Variants in UVRAG observed in about 807,000 individuals in gnomAD.
UVRAG encodes the protein UV radiation resistance associated, also known as UV radiation resistance-associated gene protein.
In UVRAG, 19 loss-of-function variants were observed where a neutral mutation model predicts 78.0. The ratio of observed to expected loss-of-function variants is 0.24; its 90% confidence interval spans 0.17 to 0.36. The LOEUF (loss-of-function observed/expected upper bound fraction) is 0.36, where lower values mean the gene tolerates loss of function less well. Ranked by LOEUF, UVRAG falls within the 10% of genes least tolerant of loss-of-function variation. UVRAG has a pLI of 1.00. For missense variants in UVRAG, 740 were observed against 853.8 expected, an observed-to-expected ratio of 0.87 and a Z score of 1.66; for synonymous variants, 323 against 324.6, an observed-to-expected ratio of 1.00 and a Z score of 0.05.
At chr11:75,846,584 T>C (rs983726299) in intron 1 of UVRAG, among the ~76,000 whole-genome samples, 3 of 150,502 alleles carry the variant, frequency 2.0e-5, no homozygotes, top group African/African-American at 7.5e-5. Flanking sequence ...TAAATCTGTG[T>C]CTACATTCAT....
At chr11:76,110,479 G>A (rs1193760583) in intron 13 of UVRAG, among the ~76,000 whole-genome samples, 3 of 152,172 alleles carry the variant, frequency 2.0e-5, no homozygotes, top group African/African-American at 4.8e-5. Flanking sequence ...CTACTGTGTC[G>A]TGATGCCTCT....
intron 8 of UVRAG, among the ~76,000 whole-genome samples, chr11:75,998,278 T>C (rs1419244566): frequency 6.6e-6 from 1 of 152,158 alleles, no homozygotes; most frequent in East Asian, 1.9e-4. Context: ...TCTATACTAA[T>C]CAGTCTAATC....
At position 76,080,514 on chromosome 11, in the gene UVRAG, T is replaced by A. The variant is rs552045816; in HGVS notation, c.1305+14726T>A. Among the ~76,000 whole-genome samples the A allele has an allele frequency of 1.4e-4, 21 of 151,776 alleles. No individual in the cohort carries two copies. In the East Asian group the frequency reaches 3.5e-3, roughly 25 times the overall value. On this transcript the variant is annotated intron_variant, in intron 13 of 14. Transcript: ENST00000356136. ...GCTTTTATAATAGAATATATATATA[T>A]AAATTATTTTTTTCAGACAAAAACT...
chr11:75,920,317 G>A (rs922296587), intron 6 of UVRAG, among the ~76,000 whole-genome samples: 1 of 151,952 alleles, frequency 6.6e-6, no homozygotes, highest in Non-Finnish European at 1.5e-5. Context: ...GAGCCACCAC[G>A]CCTGGCTAAT....
intron 8 of UVRAG, among the ~76,000 whole-genome samples, chr11:75,987,109 G>A (rs1478876272): frequency 6.6e-6 from 1 of 152,080 alleles, no homozygotes; most frequent in Non-Finnish European, 1.5e-5. Context: ...TTTCATTCCT[G>A]TTACGTACAC....
At chr11:75,846,878 C>T (rs1422363917) in intron 1 of UVRAG, among the ~76,000 whole-genome samples, 1 of 151,794 alleles carries the variant, frequency 6.6e-6, no homozygotes, top group Non-Finnish European at 1.5e-5. Flanking sequence ...GGCTATAGTG[C>T]AGTGACATGA....
At chr11:76,032,477 G>T (rs1431770422) in intron 12 of UVRAG, among the ~76,000 whole-genome samples, 2 of 152,196 alleles carry the variant, frequency 1.3e-5, no homozygotes, top group Non-Finnish European at 2.9e-5. Context: ...AGAGAGTTCA[G>T]TTGTAAGAGG....
intron 12 of UVRAG, among the ~76,000 whole-genome samples, chr11:76,049,842 G>A (rs1402728696): frequency 6.6e-6 from 1 of 152,214 alleles, no homozygotes; most frequent in Non-Finnish European, 1.5e-5. Flanking sequence ...GTTAGGGATT[G>A]TACAGGGTTC....
intron 9 of UVRAG, 142 bp from the exon 10 acceptor site, chr11:76,007,392 A>T: frequency 1.6e-6 from 1 of 637,070 alleles, no homozygotes; most frequent in African/African-American, 1.8e-5. Flanking sequence ...TACGGTAACT[A>T]TTATTTATGC....
At chr11:76,006,084 G>A (rs1297990379) in intron 9 of UVRAG, among the ~76,000 whole-genome samples, 3 of 152,148 alleles carry the variant, frequency 2.0e-5, no homozygotes, top group Non-Finnish European at 2.9e-5. Context: ...TCCTGAGGCT[G>A]TCTAGGAGCC....
intron 7 of UVRAG, among the ~76,000 whole-genome samples, chr11:75,962,164 G>A (rs899938085): frequency 3.3e-5 from 5 of 151,978 alleles, no homozygotes; most frequent in Non-Finnish European, 5.9e-5. Flanking sequence ...AAAGCCACTT[G>A]GGTATGAATA....
chr11:76,022,988 T>C (rs1950272362), intron 12 of UVRAG, among the ~76,000 whole-genome samples: 1 of 152,206 alleles, frequency 6.6e-6, no homozygotes. Flanking sequence ...TATAACATTC[T>C]AGTTTGAACT....
intron 5 of UVRAG, among the ~76,000 whole-genome samples, chr11:75,901,590 AG>A (rs1167136147): frequency 6.6e-6 from 1 of 151,054 alleles, no homozygotes; most frequent in Non-Finnish European, 1.5e-5. Context: ...TACTTTCTCA[AG>A]TCAGAACATA....
intron 3 of UVRAG, chr11:75,878,434 A>G (rs566676286): frequency 3.8e-4 from 62 of 163,636 alleles, no homozygotes; most frequent in South Asian, 3.1e-3. Flanking sequence ...CCAGGCAGAG[A>G]CGCTCCTCAC....
At chr11:75,970,254 C>A (rs1949098435) in intron 7 of UVRAG, among the ~76,000 whole-genome samples, 1 of 152,070 alleles carries the variant, frequency 6.6e-6, no homozygotes, top group African/African-American at 2.4e-5. Context: ...AAAGTTTAAG[C>A]AATGGTTTGA....
chr11:75,883,383 G>GAAAAGAAAAAAAAAAAAAAAAAAA (rs1946996380), intron 4 of UVRAG, among the ~76,000 whole-genome samples: 2 of 105,804 alleles, frequency 1.9e-5, no homozygotes, highest in Admixed American at 8.8e-5. Context: ...AAAAAAAAAA[G>GAAAAGAAAAAAAAAAAAAAAAAAA]AAAAGAAAAA....
intron 1 of UVRAG, among the ~76,000 whole-genome samples, chr11:75,831,210 C>A (rs549671150): frequency 6.6e-6 from 1 of 152,070 alleles, no homozygotes; most frequent in South Asian, 2.1e-4. Flanking sequence ...AGTGGGTGGC[C>A]GGGAACGGTG....
chr11:75,986,125 T>C (rs1020380471), intron 8 of UVRAG, among the ~76,000 whole-genome samples: 3 of 152,190 alleles, frequency 2.0e-5, no homozygotes, highest in Non-Finnish European at 4.4e-5. Flanking sequence ...CTGCATTGAA[T>C]ATATTTATCA....
rs143666102 is a variant in UVRAG at position 76,069,809 on chromosome 11, A to G, written c.1305+4021A>G. ...GTGTGGCAGAGATCCCCTTACTTCT[A>G]TATACTTCACTGTTCTATATATTTC... On this transcript the variant is annotated intron_variant, in intron 13 of 14. Transcript: ENST00000356136. 2.9e-3 allele frequency among the ~76,000 whole-genome samples: 447 copies of G among 152,268 alleles called. 6 individuals are homozygous for G. The highest frequency in any genetic ancestry group is 0.01 in the African/African-American group (421 of 41,540).
Sources: allele counts gnomAD v4.1 joint callset (sites outside exome capture counted in the v4.1 genomes callset), GRCh38; gene constraint gnomAD v4.1.1; transcripts MANE v1.5; gene names NCBI Gene and HGNC (gene_info 2026-07-23, HGNC 2026-07-21).